Variants in KDM6A observed in about 807,000 individuals in gnomAD.
KDM6A encodes the protein lysine demethylase 6A.
Under a neutral mutation model 117.6 loss-of-function variants are expected in KDM6A, and 11 were observed. The observed-to-expected ratio is 0.09, with a 90% CI of 0.06 to 0.15. The LOEUF is 0.15. Ranked by LOEUF, KDM6A falls within the 10% of genes least tolerant of loss-of-function variation. The probability of loss-of-function intolerance (pLI) is 1.00; values close to 1 mark genes in which losing one functional copy is unlikely to be tolerated. For synonymous variants in KDM6A, 384 were observed against 396.1 expected (o/e 0.97, Z 0.36); for missense variants, 799 against 1,077.3 (o/e 0.74, Z 3.62).
chrX:45,105,893 T>A (rs1030236660), intron 27 of KDM6A, among the ~76,000 whole-genome samples: 1 of 112,256 alleles, frequency 8.9e-6, no homozygotes, highest in Non-Finnish European at 1.9e-5. Context: ...TAGATTCTCA[T>A]AGGAGCAGGA....
chrX:44,984,852 T>C (rs2040120852), intron 4 of KDM6A, among the ~76,000 whole-genome samples: 1 of 111,761 alleles, frequency 8.9e-6, no homozygotes, highest in South Asian at 3.7e-4. Flanking sequence ...GTGTGATGCC[T>C]CCAGCTTTGT....
At chrX:45,028,342 A>G (rs1447322092) in intron 6 of KDM6A, among the ~76,000 whole-genome samples, 2 of 112,722 alleles carry the variant, frequency 1.8e-5, no homozygotes, top group Non-Finnish European at 3.7e-5. Flanking sequence ...TAAGAAAAGA[A>G]GAACATTCTT....
chrX:44,955,765 A>T (rs1180807772), intron 2 of KDM6A, among the ~76,000 whole-genome samples: 1 of 111,471 alleles, frequency 9.0e-6, no homozygotes, highest in Non-Finnish European at 1.9e-5. Flanking sequence ...TTATTGAGAA[A>T]GTTGTAAGCT....
At chrX:44,991,853 AT>A (rs67857869) in intron 4 of KDM6A, among the ~76,000 whole-genome samples, 23,070 of 105,434 alleles carry the variant, frequency 0.22, 4,298 homozygotes, top group African/African-American at 0.61. Flanking sequence ...CGCCTGACTA[AT>A]TTTTTTTTTG....
At chrX:45,043,691 C>T (rs908047310) in intron 8 of KDM6A, among the ~76,000 whole-genome samples, 2 of 110,685 alleles carry the variant, frequency 1.8e-5, no homozygotes, top group African/African-American at 3.3e-5. Context: ...GCAGGAGAAT[C>T]GCTTGAACCC....
intron 8 of KDM6A, among the ~76,000 whole-genome samples, chrX:45,040,711 A>C (rs867597517): frequency 0.037 from 1,001 of 26,810 alleles, 56 homozygotes; most frequent in African/African-American, 0.11. Flanking sequence ...GGGCGGCTGG[A>C]CGGGCGGGGG....
intron 6 of KDM6A, among the ~76,000 whole-genome samples, chrX:45,029,110 A>G (rs1246371176): frequency 1.8e-5 from 2 of 111,913 alleles, no homozygotes; most frequent in Non-Finnish European, 3.8e-5. Flanking sequence ...AGGCAGCTTT[A>G]TAAAGCAGTC....
intron 2 of KDM6A, among the ~76,000 whole-genome samples, chrX:44,928,646 A>T (rs2036440612): frequency 8.9e-6 from 1 of 111,931 alleles, no homozygotes; most frequent in South Asian, 3.7e-4. Context: ...ACAGAAATTG[A>T]TAATAATAAG....
intron 2 of KDM6A, among the ~76,000 whole-genome samples, chrX:44,921,939 T>A (rs765643955): frequency 1.9e-5 from 2 of 107,630 alleles, no homozygotes; most frequent in Non-Finnish European, 3.8e-5. Flanking sequence ...CCAGTTTCCT[T>A]GTATACTTAC....
At chrX:44,924,430 G>A (rs757936466) in intron 2 of KDM6A, among the ~76,000 whole-genome samples, 16 of 112,311 alleles carry the variant, frequency 1.4e-4, no homozygotes, top group Non-Finnish European at 3.8e-5. Flanking sequence ...ATAGTTTGAT[G>A]CTTTTGAGGC....
intron 6 of KDM6A, among the ~76,000 whole-genome samples, chrX:45,024,349 A>G (rs1358513569): frequency 8.9e-6 from 1 of 111,991 alleles, no homozygotes; most frequent in Non-Finnish European, 1.9e-5. Flanking sequence ...GTAAGGTGGT[A>G]TCGCATTGTG....
chrX:45,024,032 A>T (rs2042268689), intron 6 of KDM6A, among the ~76,000 whole-genome samples: 1 of 111,819 alleles, frequency 8.9e-6, no homozygotes, highest in Non-Finnish European at 1.9e-5. Context: ...TTATCCACTC[A>T]TTGGTTGATG....
At chrX:44,981,373 T>C (rs2039898250) in intron 4 of KDM6A, among the ~76,000 whole-genome samples, 1 of 111,857 alleles carries the variant, frequency 8.9e-6, no homozygotes, top group Non-Finnish European at 1.9e-5. Flanking sequence ...TACTGTTTTA[T>C]TATAATGGGT....
intron 2 of KDM6A, among the ~76,000 whole-genome samples, chrX:44,924,828 A>C (rs1346805805): frequency 9.0e-6 from 1 of 110,887 alleles, no homozygotes; most frequent in Non-Finnish European, 1.9e-5. Context: ...AGCTGGGACC[A>C]CAGGTGTGTA....
Position 45,069,904 on chromosome X carries a change from A to G in KDM6A, c.2405A>G (p.His802Arg), listed in dbSNP as rs756545808. 5.0e-6 allele frequency: 6 copies of G among 1,211,518 alleles called. No homozygotes were observed. Among genetic ancestry groups the G allele is most frequent in the Non-Finnish European group, 6.7e-6 (6 of 895,185 alleles). ...GCCAGTGTCGAGGGACTTCCTAATC[A>G]TGTCCATCAGATGACGGCAGATGCT... ...STASVEGLPN[H>R]VHQMTADAVC... Residue 802 changes from histidine (H) to arginine (R), a missense_variant, in exon 18 of 30, where the codon CAT (histidine) becomes CGT (arginine). His to Arg is a conservative substitution (Grantham distance 29). Transcript: ENST00000611820.
chrX:44,942,231 C>T (rs980894031), intron 2 of KDM6A, among the ~76,000 whole-genome samples: 7 of 110,598 alleles, frequency 6.3e-5, no homozygotes, highest in Admixed American at 1.9e-4. Flanking sequence ...GACGGGGTTT[C>T]ACCATGTTGG....
At chrX:44,912,330 C>T (rs1378796354) in intron 2 of KDM6A, among the ~76,000 whole-genome samples, 1 of 110,984 alleles carries the variant, frequency 9.0e-6, no homozygotes, top group African/African-American at 3.3e-5. Flanking sequence ...CTCAGGTGAT[C>T]TGCCCACCTC....
At chrX:44,952,412 C>G (rs2038065498) in intron 2 of KDM6A, among the ~76,000 whole-genome samples, 1 of 109,278 alleles carries the variant, frequency 9.2e-6, no homozygotes, top group African/African-American at 3.4e-5. Context: ...GCTGGAATTA[C>G]AGGCGCCCAC....
chrX:45,042,296 GAGGGGA>G (rs2043300210), intron 8 of KDM6A, among the ~76,000 whole-genome samples: 2 of 63,475 alleles, frequency 3.2e-5, no homozygotes, highest in African/African-American at 1.8e-4. Flanking sequence ...GGAGAGGGGA[GAGGGGA>G]GAGGGAGAGT....
Sources: gnomAD v4.1 joint callset for allele counts (sites outside exome capture counted in the v4.1 genomes callset) on GRCh38, gnomAD v4.1.1 for gene constraint, MANE v1.5 for transcripts, NCBI Gene and HGNC (gene_info 2026-07-23, HGNC 2026-07-21) for gene names.